The following NEDD9 variants were observed in gnomAD, a reference collection of about 807,000 sequenced individuals.
The protein encoded by NEDD9 is neural precursor cell expressed, developmentally down-regulated 9.
A neutral mutation model predicts 76.6 loss-of-function variants in NEDD9; 26 were observed. The observed-to-expected ratio is 0.34, with a 90% confidence interval of 0.25 to 0.47. The LOEUF is 0.47. Ranked by LOEUF, NEDD9 falls within the 20% of genes least tolerant of loss-of-function variation. The pLI, the probability that NEDD9 is intolerant of heterozygous loss-of-function variation, is 1.00. For missense variants in NEDD9, 937 were observed against 1,058.5 expected, an observed-to-expected ratio of 0.89 and a Z score of 1.59; for synonymous variants, 392 against 414.2, an observed-to-expected ratio of 0.95 and a Z score of 0.65.
intron 2 of NEDD9, among the ~76,000 whole-genome samples, chr6:11,211,942 C>A (rs1758797213): frequency 7.2e-6 from 1 of 138,430 alleles, no homozygotes; most frequent in Non-Finnish European, 1.6e-5. Context: ...ACCTCCCCAG[C>A]CAAACACTAA....
At chr6:11,377,072 G>T (rs1762979560) in intron 1 of NEDD9, among the ~76,000 whole-genome samples, 1 of 152,252 alleles carries the variant, frequency 6.6e-6, no homozygotes, top group Admixed American at 6.5e-5. Context: ...AGGCTTGGTG[G>T]CTTCCACCTA....
intron 2 of NEDD9, among the ~76,000 whole-genome samples, chr6:11,322,673 T>A (rs979823949): frequency 2.6e-5 from 4 of 152,192 alleles, no homozygotes; most frequent in African/African-American, 9.7e-5. Context: ...CACAGAATAA[T>A]GGAGTTCAGT....
At chr6:11,194,303 G>A (rs1758237971) in intron 2 of NEDD9, among the ~76,000 whole-genome samples, 1 of 152,188 alleles carries the variant, frequency 6.6e-6, no homozygotes, top group African/African-American at 2.4e-5. Flanking sequence ...TACTTTAAGG[G>A]ATACTTGTGT....
At chr6:11,372,230 A>G (rs894997479) in intron 1 of NEDD9, among the ~76,000 whole-genome samples, 2 of 151,284 alleles carry the variant, frequency 1.3e-5, no homozygotes, top group African/African-American at 4.9e-5. Flanking sequence ...TAGCTCCCAC[A>G]AGTAAGTGAG....
At chr6:11,242,816 C>A (rs574610240) in intron 3 of NEDD9, among the ~76,000 whole-genome samples, 22 of 152,132 alleles carry the variant, frequency 1.4e-4, no homozygotes, top group Admixed American at 2.6e-4. Context: ...TTGTGGAATT[C>A]AGAATATTTC....
At chr6:11,211,145 T>A (rs1207055860) in intron 2 of NEDD9, among the ~76,000 whole-genome samples, 1 of 152,080 alleles carries the variant, frequency 6.6e-6, no homozygotes, top group African/African-American at 2.4e-5. Context: ...TTCTACTGAG[T>A]GTAGACTTAA....
intron 2 of NEDD9, among the ~76,000 whole-genome samples, chr6:11,312,710 A>ATT (rs1491058307): frequency 1.4e-5 from 2 of 143,664 alleles, no homozygotes; most frequent in East Asian, 2.0e-4. Context: ...ATATATATAT[A>ATT]TTTTTAAAGA....
chr6:11,231,134 G>C (rs1759458573), intron 1 of NEDD9, among the ~76,000 whole-genome samples: 1 of 152,208 alleles, frequency 6.6e-6, no homozygotes, highest in Non-Finnish European at 1.5e-5. Flanking sequence ...CTTTAAGGAA[G>C]ATAACTTTCC....
At chr6:11,368,083 A>AC (rs1338866434) in intron 1 of NEDD9, among the ~76,000 whole-genome samples, 3 of 152,066 alleles carry the variant, frequency 2.0e-5, no homozygotes, top group African/African-American at 7.2e-5. Flanking sequence ...CAACTCAATT[A>AC]CCCAGGGCCT....
chr6:11,317,730 G>T (rs1312397311), intron 2 of NEDD9, among the ~76,000 whole-genome samples: 1 of 152,116 alleles, frequency 6.6e-6, no homozygotes, highest in African/African-American at 2.4e-5. Context: ...ACGGGAAATG[G>T]GTGACAGCAT....
chr6:11,234,895 A>G (rs1020211264), upstream of NEDD9, among the ~76,000 whole-genome samples: 7 of 152,044 alleles, frequency 4.6e-5, no homozygotes, highest in Admixed American at 3.3e-4. Context: ...TATTTTTAGT[A>G]GAGACGGGGT....
At chr6:11,328,581 C>G (rs1761975343) in intron 2 of NEDD9, 1 of 152,220 alleles carries the variant, frequency 6.6e-6, no homozygotes, top group Non-Finnish European at 1.5e-5. Flanking sequence ...CTTGACAGCA[C>G]TGTTGAATCA....
intron 3 of NEDD9, among the ~76,000 whole-genome samples, chr6:11,297,911 C>CTTTT (rs3067297): frequency 7.1e-6 from 1 of 140,626 alleles, no homozygotes; most frequent in African/African-American, 2.7e-5. Context: ...TTTTTCTTTT[C>CTTTT]TTTTTTTTTT....
intron 1 of NEDD9, among the ~76,000 whole-genome samples, chr6:11,367,316 A>G (rs1241796643): frequency 6.6e-6 from 1 of 152,254 alleles, no homozygotes; most frequent in East Asian, 1.9e-4. Context: ...GATGAGAATA[A>G]CATTCCTTTC....
At chr6:11,308,649 G>A (rs552477283) in intron 2 of NEDD9, among the ~76,000 whole-genome samples, 33 of 152,028 alleles carry the variant, frequency 2.2e-4, no homozygotes, top group Admixed American at 2.0e-3. Context: ...GATTACAGGC[G>A]TGAGCCACCG....
chr6:11,329,761 G>C (rs911499473), intron 2 of NEDD9, among the ~76,000 whole-genome samples: 1 of 151,262 alleles, frequency 6.6e-6, no homozygotes, highest in African/African-American at 2.4e-5. Flanking sequence ...ACAACTGGGT[G>C]GGGGGGGCGG....
chr6:11,345,100 G>C (rs1186574419), intron 1 of NEDD9, among the ~76,000 whole-genome samples: 1 of 152,176 alleles, frequency 6.6e-6, no homozygotes, highest in Non-Finnish European at 1.5e-5. Flanking sequence ...GGCTTAGAAA[G>C]AGGGACCGGG....
chr6:11,296,913 G>A (rs1415277467), intron 3 of NEDD9, among the ~76,000 whole-genome samples: 1 of 152,078 alleles, frequency 6.6e-6, no homozygotes, highest in Non-Finnish European at 1.5e-5. Context: ...ATTTTTAGTA[G>A]AGACATGGTT....
chr6:11,296,265 C>G (rs2113387763), intron 3 of NEDD9, among the ~76,000 whole-genome samples: 1 of 152,198 alleles, frequency 6.6e-6, no homozygotes, highest in South Asian at 2.1e-4. Flanking sequence ...CATGGCAGCC[C>G]AAGCAGATAC....
Sources: gnomAD v4.1 joint callset for allele counts (sites outside exome capture counted in the v4.1 genomes callset) on GRCh38, gnomAD v4.1.1 for gene constraint, MANE v1.5 for transcripts, NCBI Gene and HGNC (gene_info 2026-07-23, HGNC 2026-07-21) for gene names.